The following SLC35D4 variants were observed in gnomAD, a reference collection of about 807,000 sequenced individuals.
SLC35D4 encodes the protein solute carrier family 35 member D4, also known as UDP-N-acetylglucosamine transporter SLC35D4.
chr18:23,277,878 G>A, the SLC35D4 span, among the ~76,000 whole-genome samples: 1 of 152,184 alleles, frequency 6.6e-6, no homozygotes, highest in Non-Finnish European at 1.5e-5. Flanking sequence ...GGGCTCAGAG[G>A]AGTCTGTCTA....
At chr18:23,427,307 C>T in the SLC35D4 span, among the ~76,000 whole-genome samples, 7 of 152,086 alleles carry the variant, frequency 4.6e-5, no homozygotes, top group African/African-American at 1.4e-4. Context: ...ACAAAGAACT[C>T]CAACAAATTT....
the SLC35D4 span, among the ~76,000 whole-genome samples, chr18:23,411,864 T>A: frequency 1.3e-5 from 2 of 152,216 alleles, no homozygotes; most frequent in Non-Finnish European, 2.9e-5. Flanking sequence ...TTATTTGTTT[T>A]TCAAATAGAG....
the SLC35D4 span, among the ~76,000 whole-genome samples, chr18:23,246,436 G>T: frequency 6.6e-6 from 1 of 151,942 alleles, no homozygotes; most frequent in African/African-American, 2.4e-5. Flanking sequence ...CTGTCGCCCA[G>T]GCTGAAGTGC....
chr18:23,413,943 C>CA, the SLC35D4 span, among the ~76,000 whole-genome samples: 69 of 56,338 alleles, frequency 1.2e-3, no homozygotes, highest in Admixed American at 2.0e-3. Flanking sequence ...GGCTCCGCCT[C>CA]AAAAAAAAAA....
At chr18:23,288,335 C>T in the SLC35D4 span, among the ~76,000 whole-genome samples, 7 of 152,238 alleles carry the variant, frequency 4.6e-5, no homozygotes, top group Admixed American at 2.0e-4. Flanking sequence ...TAGAACCTCT[C>T]ATTTCCTTTC....
At chr18:23,385,405 G>A in the SLC35D4 span, among the ~76,000 whole-genome samples, 4 of 152,224 alleles carry the variant, frequency 2.6e-5, no homozygotes, top group Admixed American at 6.5e-5. Context: ...CACCCCGCCC[G>A]GCACACGCAG....
the SLC35D4 span, chr18:23,430,624 TACTC>T: frequency 6.2e-7 from 1 of 1,606,552 alleles, no homozygotes; most frequent in Non-Finnish European, 8.5e-7. Context: ...GCAAAGAAGA[TACTC>T]ACCCTTGGAA....
chr18:23,333,257 G>A, the SLC35D4 span, among the ~76,000 whole-genome samples: 1 of 152,148 alleles, frequency 6.6e-6, no homozygotes, highest in African/African-American at 2.4e-5. Flanking sequence ...AGATCTGGGT[G>A]GTTCACACAG....
At chr18:23,292,012 GTCCCAGCCACTTGAACT>G in the SLC35D4 span, among the ~76,000 whole-genome samples, 1 of 152,170 alleles carries the variant, frequency 6.6e-6, no homozygotes, top group African/African-American at 2.4e-5. Context: ...CTTCAAATGA[GTCCCAGCCACTTGAACT>G]TCCAGCCAAT....
chr18:23,317,790 C>T, the SLC35D4 span, among the ~76,000 whole-genome samples: 1 of 151,622 alleles, frequency 6.6e-6, no homozygotes, highest in African/African-American at 2.4e-5. Flanking sequence ...CCCCAGGCTG[C>T]AGTGCAGTGG....
chr18:23,383,068 G>A, the SLC35D4 span, among the ~76,000 whole-genome samples: 2 of 152,150 alleles, frequency 1.3e-5, no homozygotes, highest in Non-Finnish European at 2.9e-5. Context: ...GGGCTACCAA[G>A]TGAGAAGCAG....
chr18:23,249,054 C>T, the SLC35D4 span, among the ~76,000 whole-genome samples: 1 of 152,092 alleles, frequency 6.6e-6, no homozygotes, highest in African/African-American at 2.4e-5. Context: ...CTCTGCTGTG[C>T]TCTACACCTG....
chr18:23,380,370 C>T, the SLC35D4 span, among the ~76,000 whole-genome samples: 1 of 152,188 alleles, frequency 6.6e-6, no homozygotes, highest in South Asian at 2.1e-4. Context: ...CCTTAGCCAC[C>T]ACTTGATGCT....
the SLC35D4 span, chr18:23,352,266 A>G: frequency 1.9e-6 from 3 of 1,607,834 alleles, no homozygotes. Flanking sequence ...TGTACTGAAC[A>G]TGAGAAAGAA....
chr18:23,255,841 G>A, the SLC35D4 span, among the ~76,000 whole-genome samples: 14,964 of 152,054 alleles, frequency 0.098, 1,379 homozygotes, highest in African/African-American at 0.25. Flanking sequence ...GATTTTAGGC[G>A]TGAGTCACCA....
the SLC35D4 span, among the ~76,000 whole-genome samples, chr18:23,321,118 T>G: frequency 2.6e-5 from 4 of 152,218 alleles, no homozygotes; most frequent in African/African-American, 9.6e-5. Flanking sequence ...ACACCCAGAA[T>G]CAACAACTAT....
the SLC35D4 span, among the ~76,000 whole-genome samples, chr18:23,284,495 T>A: frequency 5.3e-5 from 8 of 152,312 alleles, no homozygotes; most frequent in African/African-American, 1.9e-4. Context: ...AAGTCCCTGC[T>A]CCGAGTTGTC....
chr18:23,424,270 G>A, the SLC35D4 span, among the ~76,000 whole-genome samples: 6 of 152,276 alleles, frequency 3.9e-5, no homozygotes, highest in African/African-American at 1.4e-4. Flanking sequence ...TAAATGGAGG[G>A]TAACCATTCA....
At chr18:23,291,000 GCT>G in the SLC35D4 span, among the ~76,000 whole-genome samples, 1,454 of 152,246 alleles carry the variant, frequency 9.6e-3, 22 homozygotes, top group African/African-American at 0.034. Context: ...TTCCAGGAGG[GCT>G]CATCTCATTC....
Sources: allele counts gnomAD v4.1 joint callset (sites outside exome capture counted in the v4.1 genomes callset), GRCh38; gene constraint gnomAD v4.1.1; transcripts MANE v1.5; gene names NCBI Gene and HGNC (gene_info 2026-07-23, HGNC 2026-07-21).